The following NRG1 variants were observed in gnomAD, a reference collection of about 807,000 sequenced individuals.
NRG1 encodes neuregulin 1.
NRG1 carries 18 observed loss-of-function variants against 63.8 expected under a neutral mutation model. That is an observed-to-expected ratio of 0.28 (90% CI 0.19 to 0.42). The LOEUF (loss-of-function observed/expected upper bound fraction) is 0.42, where lower values mean the gene tolerates loss of function less well. NRG1 is among the 10% of genes least tolerant of loss of function. The pLI is 1.00. For synonymous variants in NRG1, 302 were observed against 301.3 expected (o/e 1.00, Z -0.02); for missense variants, 762 against 814.7 (o/e 0.94, Z 0.79).
chr8:31,834,498 G>C (rs535688020), intron 1 of NRG1, among the ~76,000 whole-genome samples: 1 of 152,216 alleles, frequency 6.6e-6, no homozygotes, highest in South Asian at 2.1e-4. Context: ...CTTGAGCTCA[G>C]GAGTTCAAGA....
intron 1 of NRG1, among the ~76,000 whole-genome samples, chr8:32,065,830 C>A (rs1023993444): frequency 6.6e-6 from 1 of 152,228 alleles, no homozygotes; most frequent in African/African-American, 2.4e-5. Context: ...TATTTCTCCA[C>A]ATCCTCTCTG....
At chr8:32,678,670 A>G (rs958969324) in intron 5 of NRG1, among the ~76,000 whole-genome samples, 4 of 152,206 alleles carry the variant, frequency 2.6e-5, no homozygotes, top group Admixed American at 1.3e-4. Context: ...ATAAGAATAA[A>G]GGAGGTTAAA....
intron 5 of NRG1, among the ~76,000 whole-genome samples, chr8:32,704,047 A>G (rs1237760032): frequency 1.3e-5 from 2 of 152,246 alleles, no homozygotes; most frequent in Admixed American, 1.3e-4. Flanking sequence ...GTAGCCCTTC[A>G]GTAACAAAGA....
intron 1 of NRG1, among the ~76,000 whole-genome samples, chr8:31,907,900 C>T (rs1391153811): frequency 1.3e-5 from 2 of 151,996 alleles, no homozygotes; most frequent in South Asian, 2.1e-4. Context: ...CACTGTATGC[C>T]TTCTTCTTTT....
In NRG1 at chr8:31,703,359, TTAAAA is replaced by T. The variant is rs200794684; in HGVS notation, c.37+63933_37+63937del. Reference sequence around the variant, plus strand: ...AAGCTAGAATTTTGAAGGCCAACAATTAAAATAAACATGTCTCTGCCAAAACTTGA... The same window carrying T: ...AAGCTAGAATTTTGAAGGCCAACAATTAAACATGTCTCTGCCAAAACTTGA... On this transcript the variant is annotated intron_variant, in intron 1 of 10. Coordinates refer to the NRG1 transcript ENST00000519301. Among the ~76,000 whole-genome samples the T allele has an allele frequency of 4.6e-5, 7 of 152,034 alleles. No homozygotes were observed. In the East Asian group the frequency reaches 1.4e-3, roughly 29 times the overall value.
intron 5 of NRG1, among the ~76,000 whole-genome samples, chr8:32,716,937 C>T (rs1328005105): frequency 6.6e-6 from 1 of 151,912 alleles, no homozygotes; most frequent in African/African-American, 2.4e-5. Flanking sequence ...CACCTGTTTG[C>T]TTCCTTCCCA....
intron 1 of NRG1, among the ~76,000 whole-genome samples, chr8:32,129,096 T>C (rs1834471047): frequency 6.6e-6 from 1 of 151,900 alleles, no homozygotes; most frequent in South Asian, 2.1e-4. Flanking sequence ...TTGTTTTTCC[T>C]CCATAAGAGC....
chr8:32,420,349 G>A (rs191371951), intron 1 of NRG1, among the ~76,000 whole-genome samples: 41 of 152,148 alleles, frequency 2.7e-4, no homozygotes, highest in African/African-American at 8.7e-4. Flanking sequence ...TTCCTTTCTC[G>A]TATTTCCTCT....
chr8:32,677,954 A>T (rs114361393), intron 5 of NRG1, among the ~76,000 whole-genome samples: 1 of 152,044 alleles, frequency 6.6e-6, no homozygotes, highest in East Asian at 1.9e-4. Flanking sequence ...AAGAAACACA[A>T]CCTTTGCTGT....
chr8:32,573,311 T>C (rs548127373), intron 1 of NRG1, among the ~76,000 whole-genome samples: 5 of 152,330 alleles, frequency 3.3e-5, no homozygotes, highest in African/African-American at 1.2e-4. Context: ...AACTCTGCAG[T>C]TGTAGCACAA....
intron 1 of NRG1, among the ~76,000 whole-genome samples, chr8:32,523,963 CA>C (rs1830572224): frequency 6.6e-6 from 1 of 151,878 alleles, no homozygotes; most frequent in Admixed American, 6.6e-5. Flanking sequence ...AATCTCTGAC[CA>C]AAGAACTGGC....
intron 1 of NRG1, among the ~76,000 whole-genome samples, chr8:32,594,808 G>T (rs992530052): frequency 2.0e-5 from 3 of 152,174 alleles, no homozygotes; most frequent in Admixed American, 6.5e-5. Flanking sequence ...GAGAGAATTT[G>T]TTGTGAGTAG....
At chr8:31,936,107 C>A (rs79557445) in intron 1 of NRG1, among the ~76,000 whole-genome samples, 1,714 of 152,272 alleles carry the variant, frequency 0.011, 31 homozygotes, top group African/African-American at 0.039. Flanking sequence ...AGGAGATGCA[C>A]AAGAGATTTC....
At chr8:32,494,957 A>G (rs189515654) in intron 1 of NRG1, among the ~76,000 whole-genome samples, 41 of 152,366 alleles carry the variant, frequency 2.7e-4, no homozygotes, top group African/African-American at 9.6e-4. Flanking sequence ...CATGCTAAAT[A>G]TTCTTTACAA....
Position 32,348,245 on chromosome 8 carries a change from TTTTTGTTTTG to T in NRG1, c.38-247568_38-247559del, listed in dbSNP as rs779711996. Among the ~76,000 whole-genome samples, 3 of 152,314 alleles carry T rather than the reference TTTTTGTTTTG, an allele frequency of 2.0e-5. 1 individual carries two copies. The highest frequency in any genetic ancestry group is 4.2e-4 in the South Asian group (2 of 4,818). ...ATCCTCTTTAAGCCCCTTCTGTGTT[TTTTTGTTTTG>T]TTTTGTTTTGTTTTTGTTTTATCTC... On this transcript the variant is annotated intron_variant, in intron 1 of 10. Transcript: ENST00000519301.
chr8:31,792,575 A>G (rs1408651424), intron 1 of NRG1, among the ~76,000 whole-genome samples: 1 of 152,260 alleles, frequency 6.6e-6, no homozygotes, highest in Non-Finnish European at 1.5e-5. Context: ...TTAATAGATT[A>G]GTAAAAATTT....
chr8:31,843,861 TTCA>T (rs934367607), intron 1 of NRG1, among the ~76,000 whole-genome samples: 2 of 152,204 alleles, frequency 1.3e-5, no homozygotes, highest in African/African-American at 4.8e-5. Flanking sequence ...TTTTTTACTT[TTCA>T]TAGGTCATTG....
intron 1 of NRG1, among the ~76,000 whole-genome samples, chr8:31,875,350 C>T (rs1829831194): frequency 6.6e-6 from 1 of 152,128 alleles, no homozygotes; most frequent in Non-Finnish European, 1.5e-5. Context: ...GGGAGTCTGG[C>T]TTGAGAGGCA....
At chr8:32,578,726 A>G (rs556105446) in intron 1 of NRG1, among the ~76,000 whole-genome samples, 27 of 152,320 alleles carry the variant, frequency 1.8e-4, no homozygotes, top group African/African-American at 6.5e-4. Context: ...ATAATTGTTC[A>G]ATAGATTTGC....
Sources: allele counts gnomAD v4.1 joint callset (sites outside exome capture counted in the v4.1 genomes callset), GRCh38; gene constraint gnomAD v4.1.1; transcripts MANE v1.5; gene names NCBI Gene and HGNC (gene_info 2026-07-23, HGNC 2026-07-21).